The following GRID2 variants were observed in gnomAD, a reference collection of about 807,000 sequenced individuals.
GRID2 encodes glutamate receptor ionotropic, delta-2.
GRID2 carries 33 observed loss-of-function variants against 114.8 expected under a neutral mutation model. The ratio of observed to expected loss-of-function variants is 0.29; its 90% CI spans 0.22 to 0.38. GRID2 has a LOEUF of 0.38. GRID2 is among the 10% of genes least tolerant of loss of function. The probability of loss-of-function intolerance (pLI) is 1.00; values close to 1 mark genes in which losing one functional copy is unlikely to be tolerated. For missense variants in GRID2, 1,184 were observed against 1,257.7 expected (o/e 0.94, Z 0.89); for synonymous variants, 505 against 449.9 (o/e 1.12, Z -1.55).
chr4:93,594,320 G>A (rs1292140754), intron 13 of GRID2, among the ~76,000 whole-genome samples: 2 of 152,262 alleles, frequency 1.3e-5, no homozygotes, highest in Admixed American at 6.5e-5. Flanking sequence ...GCAGTGTGAG[G>A]TGTCAGTGTG....
At chr4:92,955,308 C>G (rs1490098706) in intron 2 of GRID2, among the ~76,000 whole-genome samples, 1 of 151,700 alleles carries the variant, frequency 6.6e-6, no homozygotes, top group Non-Finnish European at 1.5e-5. Context: ...GATTGCCATT[C>G]TAACTGGTGG....
chr4:93,126,107 AAAT>A (rs1734240216), intron 4 of GRID2, among the ~76,000 whole-genome samples: 1 of 152,234 alleles, frequency 6.6e-6, no homozygotes, highest in African/African-American at 2.4e-5. Flanking sequence ...TAGTGAATAA[AAAT>A]AATGTCAATT....
chr4:93,608,790 A>G (rs1017069983), intron 13 of GRID2, among the ~76,000 whole-genome samples: 1 of 136,794 alleles, frequency 7.3e-6, no homozygotes, highest in Non-Finnish European at 1.6e-5. Flanking sequence ...ATGTGTCTTT[A>G]TAGCAGCATG....
intron 14 of GRID2, among the ~76,000 whole-genome samples, chr4:93,688,022 A>G (rs1726224641): frequency 6.6e-6 from 1 of 151,934 alleles, no homozygotes; most frequent in African/African-American, 2.4e-5. Context: ...TGAGGGAAGA[A>G]GAGCCACCTA....
At chr4:92,784,724 A>G (rs1167402668) in intron 2 of GRID2, among the ~76,000 whole-genome samples, 3 of 151,920 alleles carry the variant, frequency 2.0e-5, no homozygotes, top group Admixed American at 2.0e-4. Context: ...TTTTTAGGTT[A>G]TGTCTATATT....
exon 2 of GRID2, chr4:93,806,794 G>A (rs752151213): frequency 1.3e-5 from 2 of 152,230 alleles, no homozygotes; most frequent in African/African-American, 4.8e-5. Flanking sequence ...AAACTTGGCA[G>A]CAATACCTGG....
chr4:92,616,043 C>T (rs1236815222), intron 2 of GRID2, among the ~76,000 whole-genome samples: 6 of 151,634 alleles, frequency 4.0e-5, no homozygotes, highest in Non-Finnish European at 7.4e-5. Flanking sequence ...ACACTATCTT[C>T]ATATTTGCCC....
intron 12 of GRID2, among the ~76,000 whole-genome samples, chr4:93,502,595 A>G (rs1728216564): frequency 6.6e-6 from 1 of 150,784 alleles, no homozygotes; most frequent in South Asian, 2.1e-4. Flanking sequence ...TGCCCTCCAC[A>G]CTCTACTGCT....
chr4:93,552,785 C>G lies in GRID2; in HGVS notation c.2193+37374C>G, dbSNP rs558480084. ...TCTCCTAATGCTACCCCTCCCCCAG[C>G]CCCCCACCCCCCAATAGGCCCCAGT... is the stretch of plus-strand genomic sequence containing the variant. On this transcript the variant is annotated intron_variant, in intron 13 of 15. Transcript: ENST00000282020. Among the ~76,000 whole-genome samples the G allele has an allele frequency of 5.4e-3, 692 of 127,948 alleles. 1 individual carries two copies. The highest frequency in any genetic ancestry group is 9.6e-3 in the Non-Finnish European group (569 of 59,452). The allele number at this position is 127,948 out of a possible 152,430, so 83.9% of individuals were successfully genotyped here. A position where few individuals can be genotyped will look rare whatever the true frequency, so the allele number is the denominator to read the frequency against.
chr4:92,945,033 T>A lies in GRID2; in HGVS notation c.245-139962T>A, dbSNP rs140243927. Among the ~76,000 whole-genome samples, 1,047 of 152,280 alleles carry A rather than the reference T, an allele frequency of 6.9e-3. 7 individuals are homozygous for A. The highest frequency in any genetic ancestry group is 0.021 in the Middle Eastern group (6 of 292). On this transcript the variant is annotated intron_variant, in intron 2 of 15. Coordinates refer to ENST00000282020, the MANE Select transcript of GRID2 (RefSeq NM_001510.4). Reference sequence around the variant, plus strand: ...GTGTATATTGATTCTTCAGTTACATTCAGTGGTGGTAACTACTTGAAAATA... The same window carrying A: ...GTGTATATTGATTCTTCAGTTACATACAGTGGTGGTAACTACTTGAAAATA...
chr4:93,667,709 A>G (rs1724069505), intron 14 of GRID2, among the ~76,000 whole-genome samples: 1 of 152,046 alleles, frequency 6.6e-6, no homozygotes, highest in Admixed American at 6.6e-5. Context: ...TTAATATTTT[A>G]GCCATAAGAT....
Position 93,387,514 on chromosome 4 carries a change from C to T in GRID2, c.1246-8093C>T, listed in dbSNP as rs1764434843. 2.6e-5 allele frequency among the ~76,000 whole-genome samples: 4 copies of T among 152,056 alleles called. No homozygotes were observed. In the South Asian group the frequency reaches 8.3e-4, roughly 31 times the overall value. On this transcript the variant is annotated intron_variant, in intron 8 of 15. Transcript: ENST00000282020. Reference sequence around the variant, plus strand: ...ACAGTGTTGGCTATGTATTGAGATACTTACTTAAAGCATCATATAAGAAAT... The same window carrying T: ...ACAGTGTTGGCTATGTATTGAGATATTTACTTAAAGCATCATATAAGAAAT...
At chr4:93,319,099 G>T (rs1171004157) in intron 8 of GRID2, among the ~76,000 whole-genome samples, 2 of 152,016 alleles carry the variant, frequency 1.3e-5, no homozygotes, top group Non-Finnish European at 2.9e-5. Flanking sequence ...GTTCTTGTGA[G>T]CTGGAACAAG....
intron 14 of GRID2, among the ~76,000 whole-genome samples, chr4:93,690,931 T>A (rs1452024099): frequency 6.7e-6 from 1 of 148,388 alleles, no homozygotes; most frequent in African/African-American, 2.4e-5. Flanking sequence ...ATAGTTTATT[T>A]TATATATATT....
chr4:93,226,476 G>T (rs558763692), intron 7 of GRID2, among the ~76,000 whole-genome samples: 1 of 152,166 alleles, frequency 6.6e-6, no homozygotes, highest in Non-Finnish European at 1.5e-5. Context: ...TCATAAAGCC[G>T]AGAAACAATA....
chr4:93,471,651 T>C (rs1254323803), intron 11 of GRID2, among the ~76,000 whole-genome samples: 1 of 151,416 alleles, frequency 6.6e-6, no homozygotes, highest in East Asian at 1.9e-4. Flanking sequence ...TTAAGACATA[T>C]TCCTTATTCA....
chr4:93,695,137 C>CTCCA (rs1726905375), intron 14 of GRID2, among the ~76,000 whole-genome samples: 3 of 148,798 alleles, frequency 2.0e-5, no homozygotes, highest in African/African-American at 5.0e-5. Flanking sequence ...AGCCACTGCA[C>CTCCA]TCCAGCCTGG....
intron 2 of GRID2, among the ~76,000 whole-genome samples, chr4:92,853,885 C>T (rs1344628130): frequency 2.0e-5 from 3 of 151,638 alleles, no homozygotes; most frequent in East Asian, 1.9e-4. Context: ...AACTACACAT[C>T]GGGTACCATG....
chr4:93,533,033 G>T (rs1731611672), intron 13 of GRID2, among the ~76,000 whole-genome samples: 1 of 152,146 alleles, frequency 6.6e-6, no homozygotes, highest in African/African-American at 2.4e-5. Flanking sequence ...ACCAAATGAT[G>T]TATTGGACCA....
Sources: gnomAD v4.1 joint callset for allele counts (sites outside exome capture counted in the v4.1 genomes callset) on GRCh38, gnomAD v4.1.1 for gene constraint, MANE v1.5 for transcripts, NCBI Gene and HGNC (gene_info 2026-07-23, HGNC 2026-07-21) for gene names.